METTL15: variants seen among roughly 807,000 people sequenced by gnomAD.
The protein encoded by METTL15 is methyltransferase 15, mitochondrial 12S rRNA N4-cytidine, also known as 12S rRNA N(4)-cytidine methyltransferase METTL15.
In METTL15, 34 loss-of-function variants were observed where a neutral mutation model predicts 38.3. That is an observed-to-expected ratio of 0.89 (90% confidence interval 0.68 to 1.18). METTL15 has a LOEUF of 1.18. Among genes scored for constraint, METTL15 ranks in the 50% most tolerant of loss-of-function variants. The pLI is 0.00. For missense variants in METTL15, 438 were observed against 498.4 expected (o/e 0.88, Z 1.15); for synonymous variants, 162 against 170.9 (o/e 0.95, Z 0.41).
chr11:28,417,112 G>A (rs1170311557), intron 5 of METTL15, among the ~76,000 whole-genome samples: 1 of 152,134 alleles, frequency 6.6e-6, no homozygotes, highest in Non-Finnish European at 1.5e-5. Flanking sequence ...GCCTTAGTGA[G>A]AAAAAGCACT....
intron 4 of METTL15, among the ~76,000 whole-genome samples, chr11:28,229,020 A>G (rs569752615): frequency 6.6e-6 from 1 of 152,036 alleles, no homozygotes; most frequent in East Asian, 1.9e-4. Flanking sequence ...TTTTAGGTCA[A>G]TGACTTAATC....
chr11:28,401,705 G>A (rs1850632168), intron 5 of METTL15, among the ~76,000 whole-genome samples: 1 of 151,840 alleles, frequency 6.6e-6, no homozygotes, highest in Non-Finnish European at 1.5e-5. Flanking sequence ...TGGCTTTGAT[G>A]AAGATCTCAA....
At chr11:28,150,205 A>C (rs1456930737) in intron 3 of METTL15, among the ~76,000 whole-genome samples, 1 of 151,958 alleles carries the variant, frequency 6.6e-6, no homozygotes, top group African/African-American at 2.4e-5. Flanking sequence ...AAAGATTTCC[A>C]AGATAACTTT....
At chr11:28,196,102 AG>A (rs1457842094) in intron 3 of METTL15, among the ~76,000 whole-genome samples, 1 of 152,044 alleles carries the variant, frequency 6.6e-6, no homozygotes, top group Non-Finnish European at 1.5e-5. Context: ...TGGTTACTAT[AG>A]CCTTATAATA....
chr11:28,274,795 C>G (rs1855777090), intron 4 of METTL15, among the ~76,000 whole-genome samples: 1 of 151,594 alleles, frequency 6.6e-6, no homozygotes, highest in Non-Finnish European at 1.5e-5. Flanking sequence ...TCAATGGATA[C>G]TAGGATAAGA....
At chr11:28,203,570 G>A (rs1287364523) in intron 3 of METTL15, among the ~76,000 whole-genome samples, 1 of 151,942 alleles carries the variant, frequency 6.6e-6, no homozygotes, top group African/African-American at 2.4e-5. Flanking sequence ...ATGTGGAAAG[G>A]ACATAGGATC....
chr11:28,478,643 C>T (rs1851367526), intron 6 of METTL15, among the ~76,000 whole-genome samples: 1 of 152,140 alleles, frequency 6.6e-6, no homozygotes, highest in Non-Finnish European at 1.5e-5. Context: ...CATTCTTTGG[C>T]TTGCTTTGCT....
intron 4 of METTL15, among the ~76,000 whole-genome samples, chr11:28,256,104 G>A (rs1214504920): frequency 6.6e-6 from 1 of 152,178 alleles, no homozygotes; most frequent in Non-Finnish European, 1.5e-5. Context: ...CAGTTTGCTA[G>A]TGTTTTATTG....
intron 3 of METTL15, among the ~76,000 whole-genome samples, chr11:28,154,946 T>G (rs988926633): frequency 6.6e-6 from 1 of 152,138 alleles, no homozygotes; most frequent in Non-Finnish European, 1.5e-5. Context: ...ACTGGGCAAG[T>G]TTTATCCAGT....
chr11:28,175,343 AT>A, intron 3 of METTL15, among the ~76,000 whole-genome samples: 1 of 152,178 alleles, frequency 6.6e-6, no homozygotes, highest in South Asian at 2.1e-4. Context: ...AATCCAGTCT[AT>A]CATTGTTGGA....
intron 4 of METTL15, among the ~76,000 whole-genome samples, chr11:28,225,280 T>C (rs1412087135): frequency 6.6e-6 from 1 of 151,842 alleles, no homozygotes; most frequent in South Asian, 2.1e-4. Flanking sequence ...CTACTAGCCT[T>C]TTTATAATAT....
chr11:28,223,561 C>A (rs1853341597), intron 4 of METTL15, among the ~76,000 whole-genome samples: 1 of 152,074 alleles, frequency 6.6e-6, no homozygotes. Context: ...TTTGAAGAAA[C>A]ATAGTAATTT....
At chr11:28,429,102 G>A (rs557386258) in intron 6 of METTL15, among the ~76,000 whole-genome samples, 6 of 152,224 alleles carry the variant, frequency 3.9e-5, no homozygotes, top group South Asian at 2.1e-4. Context: ...GTACAGCTGG[G>A]TCAGCCTCTT....
At chr11:28,464,790 T>C (rs1454499483) in intron 6 of METTL15, among the ~76,000 whole-genome samples, 1 of 152,224 alleles carries the variant, frequency 6.6e-6, no homozygotes, top group Non-Finnish European at 1.5e-5. Context: ...AGATCACCAA[T>C]GAGAACTATT....
chr11:28,307,084 A>T (rs1261055220), intron 6 of METTL15, among the ~76,000 whole-genome samples: 1 of 151,888 alleles, frequency 6.6e-6, no homozygotes, highest in Non-Finnish European at 1.5e-5. Context: ...TAATCTTCAG[A>T]TGACTGTATA....
chr11:28,512,856 AGCAAGGGCT>A (rs1378662553), intron 6 of METTL15, among the ~76,000 whole-genome samples: 1 of 152,206 alleles, frequency 6.6e-6, no homozygotes, highest in Non-Finnish European at 1.5e-5. Flanking sequence ...ACTGAGAACG[AGCAAGGGCT>A]GCGAGGGCTG....
chr11:28,529,045 G>T (rs1413851503), downstream of METTL15, among the ~76,000 whole-genome samples: 3 of 152,136 alleles, frequency 2.0e-5, no homozygotes, highest in Non-Finnish European at 4.4e-5. Flanking sequence ...CATGAATGGA[G>T]TGGGTTCATA....
chr11:28,226,716 A>G (rs2133874910), intron 4 of METTL15, among the ~76,000 whole-genome samples: 1 of 152,044 alleles, frequency 6.6e-6, no homozygotes, highest in East Asian at 1.9e-4. Context: ...CAGAGTCAAG[A>G]CTGAAACCCA....
At chr11:28,333,646 T>G (rs1849872218), downstream of METTL15, 1 of 151,986 alleles carries the variant, frequency 6.6e-6, no homozygotes, top group South Asian at 2.1e-4. Flanking sequence ...CTATTTTTAT[T>G]TTATTTTTAA....
Sources: allele counts gnomAD v4.1 joint callset (sites outside exome capture counted in the v4.1 genomes callset), GRCh38; gene constraint gnomAD v4.1.1; transcripts MANE v1.5; gene names NCBI Gene and HGNC (gene_info 2026-07-23, HGNC 2026-07-21).